LYPLAL1: variants seen among roughly 807,000 people sequenced by gnomAD.
LYPLAL1 encodes lysophospholipase like 1.
LYPLAL1 carries 23 observed loss-of-function variants against 19.7 expected under a neutral mutation model. The observed-to-expected ratio is 1.17, with a 90% CI of 0.84 to 1.65. The LOEUF (loss-of-function observed/expected upper bound fraction) is 1.65, where lower values mean the gene tolerates loss of function less well. LYPLAL1 is among the 40% of genes most tolerant of loss of function. LYPLAL1 has a pLI of 0.00. For missense variants in LYPLAL1, 355 were observed against 279.4 expected, an observed-to-expected ratio of 1.27 and a Z score of -1.93; for synonymous variants, 119 against 96.3, an observed-to-expected ratio of 1.24 and a Z score of -1.38.
At chr1:219,291,885 C>CAAA in the LYPLAL1 span, among the ~76,000 whole-genome samples, 2 of 117,754 alleles carry the variant, frequency 1.7e-5, no homozygotes, top group African/African-American at 6.1e-5. Flanking sequence ...CGGAATAAAG[C>CAAA]AAAAAAAAAA....
chr1:219,443,281 C>T, the LYPLAL1 span, among the ~76,000 whole-genome samples: 10 of 152,052 alleles, frequency 6.6e-5, no homozygotes, highest in Non-Finnish European at 1.5e-4. Flanking sequence ...AGTACAGGTC[C>T]ATGGGGTTAT....
the LYPLAL1 span, among the ~76,000 whole-genome samples, chr1:219,304,784 C>T: frequency 2.0e-5 from 3 of 151,950 alleles, no homozygotes; most frequent in Admixed American, 6.6e-5. Flanking sequence ...GATGCCAAGT[C>T]GTCTACACAG....
At chr1:219,364,028 A>C in the LYPLAL1 span, among the ~76,000 whole-genome samples, 23 of 152,276 alleles carry the variant, frequency 1.5e-4, no homozygotes, top group East Asian at 4.1e-3. Flanking sequence ...AGAAAGAAAG[A>C]AGCAGAGATA....
At chr1:219,339,385 C>T in the LYPLAL1 span, among the ~76,000 whole-genome samples, 737 of 152,042 alleles carry the variant, frequency 4.8e-3, 8 homozygotes, top group African/African-American at 0.017. Context: ...TAAGGAGCAA[C>T]GGTGATAATA....
intron 2 of LYPLAL1, among the ~76,000 whole-genome samples, chr1:219,180,973 TG>T (rs1290331532): frequency 6.6e-6 from 1 of 152,182 alleles, no homozygotes; most frequent in Non-Finnish European, 1.5e-5. Flanking sequence ...AATAGCTATT[TG>T]AACAGATCAT....
the LYPLAL1 span, among the ~76,000 whole-genome samples, chr1:219,325,069 A>C: frequency 6.6e-6 from 1 of 152,316 alleles, no homozygotes; most frequent in East Asian, 1.9e-4. Flanking sequence ...TTTCAAAAAA[A>C]CATATGGGCC....
chr1:219,227,978 C>G, the LYPLAL1 span, among the ~76,000 whole-genome samples: 10 of 152,134 alleles, frequency 6.6e-5, no homozygotes, highest in African/African-American at 2.2e-4. Flanking sequence ...GTTCAGGACC[C>G]AAGTTCATCC....
At chr1:219,244,526 T>C in the LYPLAL1 span, among the ~76,000 whole-genome samples, 1 of 152,128 alleles carries the variant, frequency 6.6e-6, no homozygotes, top group South Asian at 2.1e-4. Context: ...GTGAGGACTG[T>C]ATGGAAGGGA....
At chr1:219,285,817 G>A in the LYPLAL1 span, among the ~76,000 whole-genome samples, 3 of 152,164 alleles carry the variant, frequency 2.0e-5, no homozygotes, top group African/African-American at 4.8e-5. Flanking sequence ...GCACAAGTGA[G>A]AGAAAGTACT....
the LYPLAL1 span, among the ~76,000 whole-genome samples, chr1:219,391,328 C>A: frequency 2.0e-5 from 3 of 152,152 alleles, no homozygotes; most frequent in Non-Finnish European, 4.4e-5. Context: ...GATTGTCAAG[C>A]CTGCATATGC....
chr1:219,210,903 G>A (rs1213292418), intron 4 of LYPLAL1, among the ~76,000 whole-genome samples: 1 of 152,050 alleles, frequency 6.6e-6, no homozygotes, highest in Non-Finnish European at 1.5e-5. Context: ...CATGTGTGTG[G>A]TTGTGGGGGA....
chr1:219,317,536 A>G, the LYPLAL1 span, among the ~76,000 whole-genome samples: 1 of 152,208 alleles, frequency 6.6e-6, no homozygotes, highest in African/African-American at 2.4e-5. Flanking sequence ...TTGTAGTTAT[A>G]TATATGAACC....
intron 2 of LYPLAL1, among the ~76,000 whole-genome samples, chr1:219,191,419 A>G (rs765286942): frequency 3.3e-5 from 5 of 151,670 alleles, no homozygotes; most frequent in African/African-American, 4.8e-5. Context: ...TAATATAGCC[A>G]TTAAAAGGGT....
chr1:219,282,897 G>A, the LYPLAL1 span, among the ~76,000 whole-genome samples: 4 of 152,112 alleles, frequency 2.6e-5, no homozygotes, highest in African/African-American at 4.8e-5. Flanking sequence ...AGCAGAGTGT[G>A]TAGTAGGTCT....
chr1:219,348,479 C>G, the LYPLAL1 span, among the ~76,000 whole-genome samples: 1 of 152,214 alleles, frequency 6.6e-6, no homozygotes, highest in East Asian at 1.9e-4. Flanking sequence ...CACTTCCACA[C>G]ATGGTTTTCC....
the LYPLAL1 span, among the ~76,000 whole-genome samples, chr1:219,302,241 C>T: frequency 6.6e-6 from 1 of 152,110 alleles, no homozygotes; most frequent in Non-Finnish European, 1.5e-5. Flanking sequence ...ACTGATCTTG[C>T]TTCTATCTCT....
chr1:219,241,060 ATATC>A, the LYPLAL1 span, among the ~76,000 whole-genome samples: 1 of 143,582 alleles, frequency 7.0e-6, no homozygotes, highest in East Asian at 2.0e-4. Context: ...ATATATATCT[ATATC>A]TATCTATATT....
chr1:219,438,206 G>T, the LYPLAL1 span, among the ~76,000 whole-genome samples: 6 of 152,172 alleles, frequency 3.9e-5, no homozygotes, highest in African/African-American at 1.4e-4. Flanking sequence ...TCAGCACTAT[G>T]TTCAGTCCTC....
chr1:219,187,502 CTTAG>C (rs1362846246), intron 2 of LYPLAL1, among the ~76,000 whole-genome samples: 1 of 151,046 alleles, frequency 6.6e-6, no homozygotes, highest in Non-Finnish European at 1.5e-5. Context: ...TAGAGATTTT[CTTAG>C]TTTGTGTTTA....
Sources: gnomAD v4.1 joint callset for allele counts (sites outside exome capture counted in the v4.1 genomes callset) on GRCh38, gnomAD v4.1.1 for gene constraint, MANE v1.5 for transcripts, NCBI Gene and HGNC (gene_info 2026-07-23, HGNC 2026-07-21) for gene names.